The following TIAM1 variants were observed in gnomAD, a reference collection of about 807,000 sequenced individuals.
TIAM1 encodes the protein rho guanine nucleotide exchange factor TIAM1.
TIAM1 carries 65 observed loss-of-function variants against 163.5 expected under a neutral mutation model. The observed-to-expected ratio is 0.40, with a 90% confidence interval of 0.33 to 0.49. TIAM1 has a LOEUF of 0.49. Among genes scored for constraint, TIAM1 ranks in the 20% least tolerant of loss-of-function variants. The pLI is 0.77. For missense variants in TIAM1, 1,789 were observed against 2,044.7 expected (o/e 0.87, Z 2.41); for synonymous variants, 833 against 810.1 (o/e 1.03, Z -0.48).
intron 23 of TIAM1, among the ~76,000 whole-genome samples, chr21:31,131,377 G>A (rs913113017): frequency 6.6e-6 from 1 of 152,172 alleles, no homozygotes; most frequent in African/African-American, 2.4e-5. Flanking sequence ...AGTGCACATA[G>A]ACAGTGATAA....
chr21:31,442,070 A>AATAAATAAATATATATATATATATATAT (rs370046459), intron 2 of TIAM1, among the ~76,000 whole-genome samples: 7 of 53,228 alleles, frequency 1.3e-4, no homozygotes, highest in African/African-American at 4.0e-4. Context: ...CAAATAAATA[A>AATAAATAAATATATATATATATATATAT]ATATATATAT....
At chr21:31,475,213 C>T (rs966018016) in intron 1 of TIAM1, among the ~76,000 whole-genome samples, 4 of 151,822 alleles carry the variant, frequency 2.6e-5, no homozygotes, top group African/African-American at 7.3e-5. Context: ...TTATCACATC[C>T]AGGTGATTTT....
intron 1 of TIAM1, among the ~76,000 whole-genome samples, chr21:31,342,603 T>C (rs764546723): frequency 6.6e-5 from 10 of 152,200 alleles, no homozygotes; most frequent in Non-Finnish European, 1.0e-4. Context: ...GAGATCCAAT[T>C]TGGTTGTCTT....
intron 2 of TIAM1, among the ~76,000 whole-genome samples, chr21:31,393,817 C>T (rs2077007688): frequency 6.6e-6 from 1 of 152,138 alleles, no homozygotes; most frequent in Admixed American, 6.5e-5. Flanking sequence ...GACTGTTATA[C>T]TATATAATAA....
At chr21:31,194,785 A>C (rs1234128656) in intron 13 of TIAM1, among the ~76,000 whole-genome samples, 1 of 152,210 alleles carries the variant, frequency 6.6e-6, no homozygotes, top group African/African-American at 2.4e-5. Context: ...TTAAACAATC[A>C]GTTTTCTTCT....
At chr21:31,487,501 G>T (rs2046310446) in intron 1 of TIAM1, among the ~76,000 whole-genome samples, 2 of 150,716 alleles carry the variant, frequency 1.3e-5, no homozygotes, top group African/African-American at 4.9e-5. Flanking sequence ...CTCCCAAGTA[G>T]CTGGGATTAC....
chr21:31,468,405 C>A (rs554728325), intron 1 of TIAM1, among the ~76,000 whole-genome samples: 11 of 152,000 alleles, frequency 7.2e-5, no homozygotes, highest in African/African-American at 2.4e-4. Context: ...ATCGCTTGAG[C>A]CCGCAAGGTG....
intron 1 of TIAM1, among the ~76,000 whole-genome samples, chr21:31,542,394 T>C (rs2123279362): frequency 6.6e-6 from 1 of 150,482 alleles, no homozygotes; most frequent in East Asian, 2.0e-4. Context: ...GCCACTGCAC[T>C]CCAGCCTGGG....
Position 31,299,551 on chromosome 21 carries a change from A to G in TIAM1, c.-188-22643T>C, listed in dbSNP as rs74495887. Among the ~76,000 whole-genome samples the G allele has an allele frequency of 7.1e-3, 1,083 of 152,362 alleles. 10 individuals are homozygous for G. Among genetic ancestry groups the G allele is most frequent in the African/African-American group, 0.024 (992 of 41,580 alleles). On this transcript the variant is annotated intron_variant, in intron 2 of 27. Coordinates refer to ENST00000541036, the MANE Select transcript of TIAM1 (RefSeq NM_001353694.2). ...TTAATTATTAATCTTGAAATCTGAA[A>G]CAGATAATGAACAGGTCTTGAGCAA... is the stretch of plus-strand genomic sequence containing the variant.
At chr21:31,373,183 A>G (rs1047258726) in intron 2 of TIAM1, among the ~76,000 whole-genome samples, 14 of 151,998 alleles carry the variant, frequency 9.2e-5, no homozygotes, top group African/African-American at 3.1e-4. Flanking sequence ...CCAGCTACTC[A>G]GGAGGCTGAA....
chr21:31,490,461 C>T (rs1361817516), intron 1 of TIAM1, among the ~76,000 whole-genome samples: 1 of 151,142 alleles, frequency 6.6e-6, no homozygotes, highest in East Asian at 1.9e-4. Context: ...TAATAAATGC[C>T]TAGTTGCCTT....
At chr21:31,317,041 C>G (rs1246274434) in intron 2 of TIAM1, among the ~76,000 whole-genome samples, 1 of 152,232 alleles carries the variant, frequency 6.6e-6, no homozygotes, top group Non-Finnish European at 1.5e-5. Context: ...TTGGTCTCCA[C>G]TTGCTGAACC....
At chr21:31,302,267 C>T (rs2074536376) in intron 2 of TIAM1, among the ~76,000 whole-genome samples, 1 of 152,078 alleles carries the variant, frequency 6.6e-6, no homozygotes, top group Admixed American at 6.6e-5. Context: ...GAAACCACTT[C>T]CAGTATATTA....
At chr21:31,520,162 C>G (rs916897278) in intron 1 of TIAM1, among the ~76,000 whole-genome samples, 4 of 152,094 alleles carry the variant, frequency 2.6e-5, no homozygotes, top group African/African-American at 9.7e-5. Context: ...AAAACCCTAT[C>G]TCTACTAACA....
chr21:31,548,490 GTTT>G (rs760538797), intron 1 of TIAM1, among the ~76,000 whole-genome samples: 2 of 128,628 alleles, frequency 1.6e-5, no homozygotes, highest in Admixed American at 7.8e-5. Flanking sequence ...TTTTGTTGTT[GTTT>G]TTTTTTTTTT....
rs2083519900 is a variant in TIAM1 at position 31,154,414 on chromosome 21, C to T, written c.3004G>A (p.Val1002Met). The change falls in exon 17 of 28, where the codon GTG becomes ATG. Residue 1002 changes from valine (V) to methionine (M), a missense_variant. Physicochemically the swap from Val to Met is conservative, Grantham distance 21. This residue lies in a region of TIAM1 where 303 missense variants were observed against 321.3 expected (regional missense o/e 0.94). Transcript: ENST00000541036. ...TGCAAACTGCGGCAAAATGCGGCCA[C>T]CTGTTCTGTACTCTTCGGAGCACAG... The part of the protein sequence containing the change: ...TDHSSKSTEQ[V>M]AAFCRSLHEM... 2 of 1,613,746 alleles carry T rather than the reference C, an allele frequency of 1.2e-6. No individual in the cohort carries two copies. Among genetic ancestry groups the T allele is most frequent in the African/African-American group, 1.3e-5 (1 of 74,864 alleles).
At chr21:31,393,892 T>C (rs1366037016) in intron 2 of TIAM1, among the ~76,000 whole-genome samples, 2 of 152,196 alleles carry the variant, frequency 1.3e-5, no homozygotes, top group African/African-American at 2.4e-5. Context: ...AATTAATAAA[T>C]AGGCTTATAC....
intron 1 of TIAM1, among the ~76,000 whole-genome samples, chr21:31,543,348 G>T (rs2048379789): frequency 6.6e-6 from 1 of 152,226 alleles, no homozygotes; most frequent in Admixed American, 6.5e-5. Flanking sequence ...CGTGCGTACA[G>T]ACTGCTGAGT....
At position 31,430,121 on chromosome 21, in the gene TIAM1, G is replaced by A. The variant is rs141641075; in HGVS notation, c.-369+33862C>T. On this transcript the variant is annotated intron_variant, in intron 2 of 28. Coordinates refer to the TIAM1 transcript ENST00000286827. Reference sequence around the variant, plus strand: ...CTCCGGAGGCTGAGGCAGGAGAATCGCTTGAACCCGGGAGATGGAGGTTGC... The same window carrying A: ...CTCCGGAGGCTGAGGCAGGAGAATCACTTGAACCCGGGAGATGGAGGTTGC... Among the ~76,000 whole-genome samples the A allele has an allele frequency of 4.4e-3, 667 of 151,152 alleles. 3 individuals carry two copies. The highest frequency in any genetic ancestry group is 0.015 in the African/African-American group (622 of 41,224).
Sources: gnomAD v4.1 joint callset for allele counts (sites outside exome capture counted in the v4.1 genomes callset) on GRCh38, gnomAD v4.1.1 for gene constraint, gnomAD v4.1.1 regional missense constraint, MANE v1.5 for transcripts, NCBI Gene and HGNC (gene_info 2026-07-23, HGNC 2026-07-21) for gene names.